The following LSAMP variants were observed in gnomAD, a reference collection of about 807,000 sequenced individuals.
LSAMP encodes the protein limbic system-associated membrane protein.
In LSAMP, 7 loss-of-function variants were observed where a neutral mutation model predicts 38.6. The observed-to-expected ratio is 0.18, with a 90% CI of 0.10 to 0.34. The LOEUF (loss-of-function observed/expected upper bound fraction) is 0.34, where lower values mean the gene tolerates loss of function less well. Ranked by LOEUF, LSAMP falls within the 10% of genes least tolerant of loss-of-function variation. The pLI, the probability that LSAMP is intolerant of heterozygous loss-of-function variation, is 1.00. For missense variants in LSAMP, 313 were observed against 420.0 expected (o/e 0.75, Z 2.23); for synonymous variants, 154 against 166.8 (o/e 0.92, Z 0.59).
chr3:115,836,189 TTGTTATTACCG>T (rs1318075367), intron 6 of LSAMP, among the ~76,000 whole-genome samples: 1 of 152,086 alleles, frequency 6.6e-6, no homozygotes, highest in Non-Finnish European at 1.5e-5. Context: ...GCTTCTCAGC[TTGTTATTACCG>T]TCTTAGCTCC....
chr3:116,073,991 T>C (rs1461037581), intron 2 of LSAMP, among the ~76,000 whole-genome samples: 1 of 152,212 alleles, frequency 6.6e-6, no homozygotes, highest in African/African-American at 2.4e-5. Context: ...AAGAATGCCA[T>C]AGCTCTCACC....
At chr3:115,994,117 C>T (rs923942105) in intron 3 of LSAMP, among the ~76,000 whole-genome samples, 1 of 152,086 alleles carries the variant, frequency 6.6e-6, no homozygotes, top group African/African-American at 2.4e-5. Context: ...CATTGCAGCA[C>T]TGACAACAGC....
In LSAMP at chr3:115,805,398, T is replaced by C. The variant is rs990832666; in HGVS notation, c.*4919A>G. ...TATTTATTTTTATTTGATTTTTTTT[T>C]CCTTAAGAATCATAGTAAACCTTAG... is the stretch of plus-strand genomic sequence containing the variant. On this transcript the variant is annotated 3_prime_UTR_variant, in exon 7 of 7. Coordinates refer to ENST00000490035, the MANE Select transcript of LSAMP (RefSeq NM_002338.5). The C allele has an allele frequency of 8.5e-5, 13 of 152,164 alleles. No homozygotes were observed. The highest frequency in any genetic ancestry group is 1.2e-4 in the Non-Finnish European group (8 of 68,022). The allele number at this position is 152,164 out of a possible 1,614,324, so 9.4% of individuals were successfully genotyped here.
At chr3:116,420,848 G>C (rs2049112666) in intron 1 of LSAMP, among the ~76,000 whole-genome samples, 1 of 152,188 alleles carries the variant, frequency 6.6e-6, no homozygotes, top group Non-Finnish European at 1.5e-5. Flanking sequence ...CTGCACTCTA[G>C]CATGGGTGAC....
chr3:116,106,141 G>C (rs1346272307), intron 1 of LSAMP, among the ~76,000 whole-genome samples: 3 of 152,194 alleles, frequency 2.0e-5, no homozygotes, highest in African/African-American at 7.2e-5. Flanking sequence ...CAGGATATCT[G>C]ATTAGAGAGT....
At chr3:116,252,015 C>A (rs1463803013) in intron 1 of LSAMP, among the ~76,000 whole-genome samples, 2 of 152,180 alleles carry the variant, frequency 1.3e-5, no homozygotes, top group Non-Finnish European at 2.9e-5. Flanking sequence ...AATTGTTTAA[C>A]ATACAAGACA....
At chr3:116,431,190 T>C (rs1157164903) in intron 1 of LSAMP, among the ~76,000 whole-genome samples, 2 of 152,052 alleles carry the variant, frequency 1.3e-5, no homozygotes, top group Non-Finnish European at 2.9e-5. Context: ...CAATCAGTAT[T>C]ATTTTGGCGT....
intron 1 of LSAMP, among the ~76,000 whole-genome samples, chr3:116,103,332 T>C (rs539791496): frequency 6.8e-4 from 103 of 152,046 alleles, no homozygotes; most frequent in African/African-American, 2.5e-3. Flanking sequence ...CCAGGCATAG[T>C]GTCACATGAT....
At chr3:116,400,970 C>A (rs1197283010) in intron 1 of LSAMP, among the ~76,000 whole-genome samples, 1 of 152,148 alleles carries the variant, frequency 6.6e-6, no homozygotes, top group East Asian at 1.9e-4. Flanking sequence ...TAGTGTCCCA[C>A]CTCTCTTTCA....
At position 116,112,744 on chromosome 3, in the gene LSAMP, A is replaced by C. The variant is rs73858538; in HGVS notation, c.156-26188T>G. On this transcript the variant is annotated intron_variant, in intron 1 of 6. Coordinates refer to ENST00000490035, the MANE Select transcript of LSAMP (RefSeq NM_002338.5). ...AAGTGGGGAACGAGTTTGGTATGAA[A>C]ATAAAATTAGGTGAATTAACTACAC... Among the ~76,000 whole-genome samples, 268 of 152,286 alleles carry C rather than the reference A, an allele frequency of 1.8e-3. 1 individual carries two copies. The highest frequency in any genetic ancestry group is 6.1e-3 in the African/African-American group (255 of 41,558).
intron 1 of LSAMP, among the ~76,000 whole-genome samples, chr3:116,255,748 C>T (rs925446048): frequency 3.3e-5 from 5 of 152,082 alleles, no homozygotes; most frequent in Non-Finnish European, 2.9e-5. Context: ...GCTTCTATGA[C>T]AATTAAGCAA....
intron 1 of LSAMP, among the ~76,000 whole-genome samples, chr3:116,439,488 T>C (rs962562953): frequency 6.6e-6 from 1 of 151,888 alleles, no homozygotes; most frequent in Non-Finnish European, 1.5e-5. Flanking sequence ...TCAAGCAATC[T>C]GCTATAGCAA....
At chr3:116,444,728 CACCA>C in intron 1 of LSAMP, 145 bp downstream of exon 1, 8 of 1,004,144 alleles carry the variant, frequency 8.0e-6, no homozygotes, top group South Asian at 1.5e-5. Context: ...CACACACACA[CACCA>C]CACACACACA....
intron 1 of LSAMP, among the ~76,000 whole-genome samples, chr3:116,165,713 T>C (rs923652772): frequency 6.6e-6 from 1 of 152,142 alleles, no homozygotes; most frequent in Non-Finnish European, 1.5e-5. Flanking sequence ...TCTTAATGGG[T>C]TAGTTTTTCT....
intron 1 of LSAMP, among the ~76,000 whole-genome samples, chr3:116,325,144 AC>A (rs2047753418): frequency 6.6e-6 from 1 of 151,096 alleles, no homozygotes; most frequent in African/African-American, 2.4e-5. Context: ...TCACATATAT[AC>A]TAGAGATGAG....
intron 1 of LSAMP, among the ~76,000 whole-genome samples, chr3:116,363,725 G>A (rs1181661405): frequency 7.0e-6 from 1 of 142,578 alleles, no homozygotes; most frequent in Non-Finnish European, 1.5e-5. Flanking sequence ...ATCAATAAAT[G>A]TAATCCAGCA....
intron 1 of LSAMP, among the ~76,000 whole-genome samples, chr3:116,443,749 T>C (rs1350451193): frequency 6.6e-6 from 1 of 152,182 alleles, no homozygotes; most frequent in Non-Finnish European, 1.5e-5. Flanking sequence ...AGACTGACAC[T>C]GGGTCATTTT....
At chr3:116,348,808 A>G (rs1464890018) in intron 1 of LSAMP, among the ~76,000 whole-genome samples, 1 of 152,176 alleles carries the variant, frequency 6.6e-6, no homozygotes, top group East Asian at 1.9e-4. Context: ...AAGGGCAACA[A>G]ATACTTTTAT....
At chr3:115,863,892 A>T (rs892767277) in intron 3 of LSAMP, among the ~76,000 whole-genome samples, 3 of 152,206 alleles carry the variant, frequency 2.0e-5, no homozygotes, top group Non-Finnish European at 4.4e-5. Flanking sequence ...CATAAGGGAA[A>T]AAGAATGATT....
Sources: gnomAD v4.1 joint callset for allele counts (sites outside exome capture counted in the v4.1 genomes callset) on GRCh38, gnomAD v4.1.1 for gene constraint, MANE v1.5 for transcripts, NCBI Gene and HGNC (gene_info 2026-07-23, HGNC 2026-07-21) for gene names.